F12: variants seen among roughly 807,000 people sequenced by gnomAD.
F12 encodes coagulation factor XII.
In F12, 70 loss-of-function variants were observed where a neutral mutation model predicts 74.8. That is an observed-to-expected ratio of 0.94 (90% CI 0.77 to 1.14). The LOEUF is 1.14. Among genes scored for constraint, F12 ranks in the 50% most tolerant of loss-of-function variants. The probability of loss-of-function intolerance (pLI) is 0.00; values close to 1 mark genes in which losing one functional copy is unlikely to be tolerated. For synonymous variants in F12, 373 were observed against 356.4 expected (o/e 1.05, Z -0.52); for missense variants, 811 against 835.7 (o/e 0.97, Z 0.36).
rs1167526955 is a variant in F12 at position 177,403,326 on chromosome 5, G to C, written c.1459C>G (p.Leu487Val). The change falls in exon 12 of 14, where the codon CTG becomes GTG. Residue 487 changes from leucine to valine, a missense_variant. Physicochemically the swap from Leu to Val is conservative, Grantham distance 32. Coordinates refer to ENST00000253496, the MANE Select transcript of F12 (RefSeq NM_000505.4). ...GAGGGTCGCGCGGCGCCGCTTGGCAGGCACACCGGCTGAACGTAAGGCGAC... is the reference window on the plus strand; with the variant it reads ...GAGGGTCGCGCGGCGCCGCTTGGCACGCACACCGGCTGAACGTAAGGCGAC... ...LLSPYVQPVC[L>V]PSGAARPSET... The C allele has an allele frequency of 1.3e-6, 2 of 1,599,448 alleles. No individual in the cohort carries two copies. Among genetic ancestry groups the C allele is most frequent in the South Asian group, 2.2e-5 (2 of 91,054 alleles).
At chr5:177,403,091 T>G (rs1763180616) in intron 12 of F12, 163 bp downstream of exon 12, 2 of 881,568 alleles carry the variant, frequency 2.3e-6, no homozygotes, top group Non-Finnish European at 3.4e-6. Context: ...TCCCAGGCCC[T>G]GGGATTCTAC....
In F12 at chr5:177,402,297, A is replaced by G. The variant is rs781621921; in HGVS notation, c.1843T>C (p.Ser615Pro). 3.1e-6 allele frequency: 5 copies of G among 1,613,732 alleles called. No homozygotes were observed. Among genetic ancestry groups the G allele is most frequent in the South Asian group, 1.1e-5 (1 of 91,048 alleles). The change falls in exon 14 of 14, where the codon TCC becomes CCC. Residue 615 changes from serine to proline, a missense_variant. By Grantham distance (74) the Ser-to-Pro change is moderately conservative. Coordinates refer to ENST00000253496, the MANE Select transcript of F12 (RefSeq NM_000505.4). ...YLAWIREHTVS is the reference protein window; with the variant it reads ...YLAWIREHTVP Reference sequence around the variant, plus strand: ...AAAGATGAGTCCCTGAGCAATCAGGAAACGGTGTGCTCCCGGATCCAGGCC... The same window carrying G: ...AAAGATGAGTCCCTGAGCAATCAGGGAACGGTGTGCTCCCGGATCCAGGCC...
chr5:177,402,280 G>A lies in F12; in HGVS notation c.*12C>T, dbSNP rs1763150723. The A allele has an allele frequency of 6.2e-7, 1 of 1,613,398 alleles. No individual in the cohort carries two copies. The highest frequency in any genetic ancestry group is 8.5e-7 in the Non-Finnish European group (1 of 1,179,840). ...GGAATCACCAAGGAGGGAAAGATGA[G>A]TCCCTGAGCAATCAGGAAACGGTGT... is the stretch of plus-strand genomic sequence containing the variant. On this transcript the variant is annotated 3_prime_UTR_variant, in exon 14 of 14. Coordinates refer to ENST00000253496, the MANE Select transcript of F12 (RefSeq NM_000505.4).
Position 177,405,191 on chromosome 5 carries a change from G to A in F12, c.398-6C>T, listed in dbSNP as rs779052267. The stretch of plus-strand genomic sequence containing the variant: ...CTGAGGCTCAAAGCACTTCTCTGGG[G>A]ACAAAGAGGGATAGTGGTCTCAGGA... On this transcript the variant is annotated splice_polypyrimidine_tract_variant and splice_region_variant and intron_variant, in intron 5 of 13. Transcript: ENST00000253496. 2 of 1,613,698 alleles carry A rather than the reference G, an allele frequency of 1.2e-6. No homozygotes were observed. The highest frequency in any genetic ancestry group is 2.2e-5 in the East Asian group (1 of 44,900).
chr5:177,402,967 C>T, intron 12 of F12: 3 of 673,790 alleles, frequency 4.5e-6, no homozygotes, highest in Non-Finnish European at 7.4e-6. Context: ...CACACTAGCC[C>T]GGAGCGCGGG....
At chr5:177,403,218 TC>T in intron 12 of F12, 35 bp downstream of exon 12, 9 of 1,598,464 alleles carry the variant, frequency 5.6e-6, no homozygotes, top group Non-Finnish European at 7.6e-6. Flanking sequence ...ATCAAAGGTC[TC>T]CTCCCCTACC....
At chr5:177,402,881 G>C in intron 12 of F12, 183 bp from the exon 13 acceptor site, 1 of 867,232 alleles carries the variant, frequency 1.2e-6, no homozygotes, top group Non-Finnish European at 1.8e-6. Context: ...CCAGAGAAAA[G>C]CCAGGATTTG....
In F12 at chr5:177,402,634, G is replaced by A. The variant is rs562508076; in HGVS notation, c.1596C>T (p.Cys532=). ...AGGATCCGTGCACGTCCGGGGCTGA[G>A]CAGCGCTCCAGGGAGAGGAACGGTA... is the stretch of plus-strand genomic sequence containing the variant. ...AQVPFLSLER[C]SAPDVHGSSI... is the part of the protein sequence containing the mutation. The change falls in exon 13 of 14, where the codon TGC becomes TGT. Residue 532 remains cysteine (C), a synonymous_variant. Transcript: ENST00000253496. 1.2e-6 allele frequency: 2 copies of A among 1,613,130 alleles called. No homozygotes were observed. Among genetic ancestry groups the A allele is most frequent in the South Asian group, 2.2e-5 (2 of 91,082 alleles).
At chr5:177,404,118 A>T (rs17876031) in intron 9 of F12, 28 bp from the exon 10 acceptor site, 15 of 1,594,142 alleles carry the variant, frequency 9.4e-6, no homozygotes, top group Non-Finnish European at 1.3e-5. Context: ...CTGAGGACGG[A>T]GAGCCCGCGG....
chr5:177,402,410 C>T lies in F12; in HGVS notation c.1730G>A (p.Arg577Gln). Reference sequence around the variant, plus strand: ...GCTGATGATGCCTTGCAGGGTGAGCCGGCGCTCTGCAGCTTGGTCCTCACA... The same window carrying T: ...GCTGATGATGCCTTGCAGGGTGAGCTGGCGCTCTGCAGCTTGGTCCTCACA... The part of the protein sequence containing the change: ...LVCEDQAAER[R>Q]LTLQGIISWG... The change falls in exon 14 of 14, where the codon CGG becomes CAG. Residue 577 changes from arginine to glutamine, a missense_variant. Physicochemically the swap from Arg to Gln is conservative, Grantham distance 43. Transcript: ENST00000253496. 1.2e-6 allele frequency: 2 copies of T among 1,612,808 alleles called. No individual in the cohort carries two copies. Among genetic ancestry groups the T allele is most frequent in the South Asian group, 1.1e-5 (1 of 90,898 alleles).
In F12 at chr5:177,404,928, C is replaced by A. The variant is rs1296186719; in HGVS notation, c.530-14G>T. ...TGGTGCGGCAGGCTTGGGGAGGGAA[C>A]GCAGTGAGCCACCCCTGGGCCTAAA... On this transcript the variant is annotated splice_polypyrimidine_tract_variant and intron_variant, in intron 6 of 13. Coordinates refer to ENST00000253496, the MANE Select transcript of F12 (RefSeq NM_000505.4). 3.1e-6 allele frequency: 5 copies of A among 1,592,460 alleles called. No individual in the cohort carries two copies. Among genetic ancestry groups the A allele is most frequent in the Middle Eastern group, 1.7e-4 (1 of 5,984 alleles).
chr5:177,409,060 T>C lies in F12; in HGVS notation c.101A>G (p.Glu34Gly). The C allele has an allele frequency of 6.4e-7, 1 of 1,551,586 alleles. No individual in the cohort carries two copies. The highest frequency in any genetic ancestry group is 8.7e-7 in the Non-Finnish European group (1 of 1,147,046). ...EAPKEHKYKA[E>G]EHTVVLTVTG... The stretch of plus-strand genomic sequence containing the variant: ...AGGCCACTTACCGACTGTGTGCTCT[T>C]CAGCTTTGTACTTATGCTCCTTGGG... Residue 34 changes from glutamate (E) to glycine (G), a missense_variant, in exon 2 of 14, where the codon GAA becomes GGA. By Grantham distance (98) the Glu-to-Gly change is moderately conservative. Coordinates refer to ENST00000253496, the MANE Select transcript of F12 (RefSeq NM_000505.4).
chr5:177,409,112 G>A lies in F12; in HGVS notation c.58-9C>T, dbSNP rs1474850027. 9 of 1,551,608 alleles carry A rather than the reference G, an allele frequency of 5.8e-6. No individual in the cohort carries two copies. The highest frequency in any genetic ancestry group is 7.8e-6 in the Non-Finnish European group (9 of 1,146,946). The stretch of plus-strand genomic sequence containing the variant: ...GCTTCCCAAGGTGGAATCTACAAGG[G>A]AGAGAAGAAGGCAGGGAACTGACTA... On this transcript the variant is annotated splice_polypyrimidine_tract_variant and intron_variant, in intron 1 of 13. Transcript: ENST00000253496.
rs1763225838 is a variant in F12 at position 177,404,269 on chromosome 5, G to A, written c.945C>T (p.Leu315=). ...TPVSPRLHVP[L]MPAQPAPPKP... ...TCGGCGGTGCCGGCTGCGCGGGCATGAGTGGGACATGAAGCCTAGGGGACA... is the reference window on the plus strand; with the variant it reads ...TCGGCGGTGCCGGCTGCGCGGGCATAAGTGGGACATGAAGCCTAGGGGACA... The change falls in exon 9 of 14, where the codon CTC becomes CTT. Residue 315 remains leucine, a synonymous_variant. Coordinates refer to ENST00000253496, the MANE Select transcript of F12 (RefSeq NM_000505.4). 1 of 1,597,380 alleles carries A rather than the reference G, an allele frequency of 6.3e-7. No individual in the cohort carries two copies. Among genetic ancestry groups the A allele is most frequent in the African/African-American group, 1.3e-5 (1 of 74,674 alleles).
chr5:177,403,652 G>T (rs1185365884), intron 10 of F12, 35 bp from the exon 11 acceptor site: 2 of 1,593,182 alleles, frequency 1.3e-6, no homozygotes, highest in Non-Finnish European at 8.5e-7. Flanking sequence ...AGCGCTCTCA[G>T]ACCTGGCCAC....
chr5:177,402,365 T>A lies in F12; in HGVS notation c.1775A>T (p.Asp592Val). The change falls in exon 14 of 14, where the codon GAC (aspartate) becomes GTC (valine). Residue 592 changes from aspartate (D) to valine (V), a missense_variant. Asp to Val is a radical substitution (Grantham distance 152). Coordinates refer to ENST00000253496, the MANE Select transcript of F12 (RefSeq NM_000505.4). ...GIISWGSGCG[D>V]RNKPGVYTDV... ...GGTGTAGACGCCTGGCTTGTTGCGG[T>A]CACCACAGCCCGATCCCCAGCTGAT... The A allele has an allele frequency of 1.2e-6, 2 of 1,613,718 alleles. No homozygotes were observed. Among genetic ancestry groups the A allele is most frequent in the African/African-American group, 2.7e-5 (2 of 75,038 alleles).
rs1280775597 is a variant in F12, at chr5:177,405,166, C to T, written c.417G>A (p.Gln139=). ...CATTCTTGTGGAAAAACCGGAGAAG[C>T]TGAGGCTCAAAGCACTTCTCTGGGG... ...HCQKEKCFEP[Q]LLRFFHKNEI... Residue 139 remains glutamine, a synonymous_variant, in exon 6 of 14, where the codon CAG becomes CAA. Coordinates refer to ENST00000253496, the MANE Select transcript of F12 (RefSeq NM_000505.4). The T allele has an allele frequency of 6.2e-7, 1 of 1,613,888 alleles. No individual in the cohort carries two copies. The highest frequency in any genetic ancestry group is 8.5e-7 in the Non-Finnish European group (1 of 1,180,046).
rs1428396749 is a variant in F12, at chr5:177,403,458, C to T, written c.1387+23G>A. ...CCGGGGCCCCAAGCTCTCTTCCCGT[C>T]CCCGCGGGGCGCCCCCACGCACCCA... On this transcript the variant is annotated intron_variant, in intron 11 of 13. Coordinates refer to ENST00000253496, the MANE Select transcript of F12 (RefSeq NM_000505.4). 3 of 1,558,298 alleles carry T rather than the reference C, an allele frequency of 1.9e-6. No individual in the cohort carries two copies. In the East Asian group the frequency reaches 7.2e-5, roughly 37 times the overall value.
chr5:177,406,089 C>A (rs775748017), intron 2 of F12, 28 bp from the exon 3 acceptor site: 1 of 1,594,782 alleles, frequency 6.3e-7, no homozygotes, highest in Non-Finnish European at 8.6e-7. Flanking sequence ...TCTCTGAGGA[C>A]TTCCCCTGTA....
Sources: gnomAD v4.1 joint callset for allele counts on GRCh38, gnomAD v4.1.1 for gene constraint, MANE v1.5 for transcripts, NCBI Gene and HGNC (gene_info 2026-07-23, HGNC 2026-07-21) for gene names.